The following KCNIP4 variants were observed in gnomAD, a reference collection of about 807,000 sequenced individuals.
The protein encoded by KCNIP4 is potassium voltage-gated channel interacting protein 4.
KCNIP4 carries 12 observed loss-of-function variants against 34.0 expected under a neutral mutation model. That is an observed-to-expected ratio of 0.35 (90% CI 0.23 to 0.57). The LOEUF is 0.57. Ranked by LOEUF, KCNIP4 falls within the 20% of genes least tolerant of loss-of-function variation. KCNIP4 has a pLI of 0.83. For missense variants in KCNIP4, 238 were observed against 311.7 expected (o/e 0.76, Z 1.78); for synonymous variants, 124 against 102.2 (o/e 1.21, Z -1.29).
At chr4:21,289,856 C>T (rs1191657414) in intron 1 of KCNIP4, among the ~76,000 whole-genome samples, 1 of 152,146 alleles carries the variant, frequency 6.6e-6, no homozygotes, top group Non-Finnish European at 1.5e-5. Flanking sequence ...CAGCCACAGA[C>T]TCCCACTCTA....
Position 21,887,475 on chromosome 4 carries a change from C to T in KCNIP4, c.61+61096G>A, listed in dbSNP as rs62301435. On this transcript the variant is annotated intron_variant, in intron 1 of 8. Coordinates refer to ENST00000382152, the MANE Select transcript of KCNIP4 (RefSeq NM_025221.6). ...TCAAACCACCATCACATTTGGGATT[C>T]GATTTCAATGTATGAATTTTGGGGG... Among the ~76,000 whole-genome samples, 284 of 152,126 alleles carry T rather than the reference C, an allele frequency of 1.9e-3. 2 individuals are homozygous for T. The highest frequency in any genetic ancestry group is 3.3e-3 in the Admixed American group (51 of 15,262).
intron 1 of KCNIP4, among the ~76,000 whole-genome samples, chr4:21,067,813 T>G (rs1055147411): frequency 4.6e-5 from 7 of 152,112 alleles, no homozygotes; most frequent in African/African-American, 1.7e-4. Context: ...AATCATTATT[T>G]AGGGGAATAT....
At chr4:20,984,424 C>T (rs1736385785) in intron 1 of KCNIP4, among the ~76,000 whole-genome samples, 1 of 152,190 alleles carries the variant, frequency 6.6e-6, no homozygotes, top group African/African-American at 2.4e-5. Flanking sequence ...GCTGCTCTCT[C>T]CTCCCAGAGC....
At chr4:20,866,653 G>C (rs955373580) in intron 2 of KCNIP4, among the ~76,000 whole-genome samples, 1 of 152,044 alleles carries the variant, frequency 6.6e-6, no homozygotes, top group African/African-American at 2.4e-5. Flanking sequence ...GGAAGTCCTA[G>C]CCAGAACATT....
At chr4:21,247,217 T>C (rs920949180) in intron 1 of KCNIP4, among the ~76,000 whole-genome samples, 3 of 152,222 alleles carry the variant, frequency 2.0e-5, no homozygotes, top group South Asian at 2.1e-4. Flanking sequence ...TGTTTATAGG[T>C]CACACAGTTG....
chr4:21,624,742 C>T (rs1194235682), intron 1 of KCNIP4, among the ~76,000 whole-genome samples: 1 of 152,054 alleles, frequency 6.6e-6, no homozygotes, highest in East Asian at 1.9e-4. Flanking sequence ...TATGTTTCAA[C>T]AAGTGAAGAG....
At chr4:21,564,231 C>T (rs899694475) in intron 1 of KCNIP4, among the ~76,000 whole-genome samples, 9 of 152,230 alleles carry the variant, frequency 5.9e-5, no homozygotes, top group Non-Finnish European at 1.0e-4. Flanking sequence ...TTCAACTACA[C>T]GTTGAGTGCA....
intron 1 of KCNIP4, among the ~76,000 whole-genome samples, chr4:21,371,162 A>G (rs2109439752): frequency 6.9e-6 from 1 of 144,634 alleles, no homozygotes; most frequent in Admixed American, 6.7e-5. Flanking sequence ...AGATGTTTGG[A>G]CTTTGTGCTA....
intron 1 of KCNIP4, among the ~76,000 whole-genome samples, chr4:21,354,394 C>A (rs1370044045): frequency 6.6e-6 from 1 of 152,138 alleles, no homozygotes; most frequent in East Asian, 1.9e-4. Flanking sequence ...GTGCTGTATT[C>A]AGGAGACCCA....
intron 1 of KCNIP4, among the ~76,000 whole-genome samples, chr4:21,482,546 T>G (rs536800188): frequency 6.6e-6 from 1 of 152,238 alleles, no homozygotes; most frequent in African/African-American, 2.4e-5. Flanking sequence ...GTCTGTAAAG[T>G]ATTTTATTTC....
At chr4:21,716,775 T>G (rs1269195633) in intron 1 of KCNIP4, among the ~76,000 whole-genome samples, 1 of 152,160 alleles carries the variant, frequency 6.6e-6, no homozygotes, top group African/African-American at 2.4e-5. Flanking sequence ...AAAACGGCCT[T>G]GTTGAAGGGA....
In KCNIP4 at chr4:20,850,532, A is replaced by G. The variant is rs1720898554; in HGVS notation, c.288+11T>C. On this transcript the variant is annotated intron_variant, in intron 3 of 8. Coordinates refer to ENST00000382152, the MANE Select transcript of KCNIP4 (RefSeq NM_025221.6). ...ATTGTGTGAAGGTAAAGTCAAAAAG[A>G]AAGTTCTTACATTCTTAAATCCTCT... 1.2e-6 allele frequency: 2 copies of G among 1,611,058 alleles called. No individual in the cohort carries two copies. The highest frequency in any genetic ancestry group is 2.7e-5 in the African/African-American group (2 of 74,794).
chr4:21,842,484 G>A (rs866632518), intron 1 of KCNIP4, among the ~76,000 whole-genome samples: 2 of 151,868 alleles, frequency 1.3e-5, no homozygotes, highest in East Asian at 1.9e-4. Flanking sequence ...GTAACAGTAC[G>A]CAATGTTGTA....
At chr4:21,809,640 C>G (rs1721505788) in intron 1 of KCNIP4, among the ~76,000 whole-genome samples, 1 of 152,088 alleles carries the variant, frequency 6.6e-6, no homozygotes. Flanking sequence ...ATACAAGAAA[C>G]TAATGGTATT....
chr4:21,922,979 T>G (rs562590678), intron 1 of KCNIP4, among the ~76,000 whole-genome samples: 1 of 152,342 alleles, frequency 6.6e-6, no homozygotes, highest in African/African-American at 2.4e-5. Flanking sequence ...TCCAAGTATC[T>G]TATGTGATTC....
intron 1 of KCNIP4, among the ~76,000 whole-genome samples, chr4:21,806,693 TA>T (rs1464864781): frequency 1.3e-5 from 2 of 152,126 alleles, no homozygotes; most frequent in African/African-American, 2.4e-5. Flanking sequence ...ATTATTTTTT[TA>T]AAAAAACAAA....
chr4:20,885,102 C>T (rs1317506513), intron 1 of KCNIP4, among the ~76,000 whole-genome samples: 2 of 152,166 alleles, frequency 1.3e-5, no homozygotes, highest in East Asian at 3.9e-4. Context: ...CCTCCCTCCC[C>T]TGCTTCCCAA....
chr4:21,593,628 A>G (rs909361745), intron 1 of KCNIP4, among the ~76,000 whole-genome samples: 6 of 151,584 alleles, frequency 4.0e-5, no homozygotes, highest in African/African-American at 1.5e-4. Context: ...CATCTCTCCC[A>G]CCCTCCTTAT....
chr4:21,234,302 C>A (rs1293563535), intron 1 of KCNIP4, among the ~76,000 whole-genome samples: 3 of 91,404 alleles, frequency 3.3e-5, no homozygotes, highest in South Asian at 3.3e-4. Context: ...TTATATATAA[C>A]ATATATAACA....
Sources: allele counts gnomAD v4.1 joint callset (sites outside exome capture counted in the v4.1 genomes callset), GRCh38; gene constraint gnomAD v4.1.1; transcripts MANE v1.5; gene names NCBI Gene and HGNC (gene_info 2026-07-23, HGNC 2026-07-21).